NFKB2: variants seen among roughly 807,000 people sequenced by gnomAD.
The protein encoded by NFKB2 is nuclear factor kappa B subunit 2.
In NFKB2, 21 loss-of-function variants were observed where a neutral mutation model predicts 109.3. The observed-to-expected ratio is 0.19, with a 90% CI of 0.14 to 0.28. NFKB2 has a LOEUF of 0.28. Among genes scored for constraint, NFKB2 ranks in the 10% least tolerant of loss-of-function variants. NFKB2 has a pLI of 1.00. For missense variants in NFKB2, 806 were observed against 1,185.3 expected (o/e 0.68, Z 4.70); for synonymous variants, 478 against 489.9 (o/e 0.98, Z 0.32).
Position 102,397,035 on chromosome 10 carries a change from G to A in NFKB2, c.375G>A (p.Gly125=), listed in dbSNP as rs770207581. ...SELGICAVSV[G]PKDMTAQFNN... Reference sequence around the variant, plus strand: ...TGGGGATCTGCGCCGTTTCTGTGGGGCCCAAGGACATGACTGCCCAGTAGG... The same window carrying A: ...TGGGGATCTGCGCCGTTTCTGTGGGACCCAAGGACATGACTGCCCAGTAGG... The change falls in exon 6 of 23, where the codon GGG becomes GGA. Residue 125 remains glycine (G), a synonymous_variant. Coordinates refer to ENST00000661543, the MANE Select transcript of NFKB2 (RefSeq NM_001322934.2). This position sits in a 1 kb window ranked among gnomAD's most constrained non-coding sequence, Gnocchi z 4.7. 6.2e-7 allele frequency: 1 copy of A among 1,612,972 alleles called. No individual in the cohort carries two copies. Among genetic ancestry groups the A allele is most frequent in the South Asian group, 1.1e-5 (1 of 91,080 alleles).
chr10:102,396,217 G>A lies in NFKB2; in HGVS notation c.22-36G>A, dbSNP rs1050598241. The A allele has an allele frequency of 1.9e-6, 3 of 1,585,444 alleles. No homozygotes were observed. The highest frequency in any genetic ancestry group is 2.6e-6 in the Non-Finnish European group (3 of 1,157,958). On this transcript the variant is annotated intron_variant, in intron 2 of 22. Coordinates refer to ENST00000661543, the MANE Select transcript of NFKB2 (RefSeq NM_001322934.2). This position sits in a 1 kb window ranked among gnomAD's most constrained non-coding sequence, Gnocchi z 5.9. ...GAGGTGGGGCTGTGGGGGGTGCTGA[G>A]AGTCGGATGCCACCCCCAGTCTGTC... is the stretch of plus-strand genomic sequence containing the variant.
Position 102,395,791 on chromosome 10 carries a change from G to C in NFKB2, c.-78G>C. 3.0e-6 allele frequency: 2 copies of C among 669,472 alleles called. No homozygotes were observed. Among genetic ancestry groups the C allele is most frequent in the Non-Finnish European group, 2.6e-6 (1 of 389,494 alleles). The allele number at this position is 669,472 out of a possible 1,614,324, so 41.5% of individuals were successfully genotyped here. A position where few individuals can be genotyped will look rare whatever the true frequency, so the allele number is the denominator to read the frequency against. ...CCCGCCACACCCGGACAGGCGGCTG[G>C]AGGAGGTCGGACCCTCCCCCAAATC... On this transcript the variant is annotated 5_prime_UTR_variant, in exon 1 of 23. Transcript: ENST00000661543.
rs1565206474 is a variant in NFKB2, at chr10:102,397,948, A to G, written c.662-33A>G. The stretch of plus-strand genomic sequence containing the variant: ...TCTTAAATGTGGCCTTGGCTATTGC[A>G]TCATCTCAACTAATCCATATCCCAC... On this transcript the variant is annotated intron_variant, in intron 8 of 22. Transcript: ENST00000661543. The surrounding 1 kb of genome is among the most constrained non-coding windows in gnomAD (Gnocchi z 4.7). The G allele has an allele frequency of 2.5e-6, 4 of 1,605,346 alleles. No individual in the cohort carries two copies. The highest frequency in any genetic ancestry group is 1.3e-5 in the African/African-American group (1 of 74,836).
Position 102,402,405 on chromosome 10 carries a change from G to A in NFKB2, c.*29G>A, listed in dbSNP as rs774837580. ...GCTGCCTGCCCCCAGCCCCCTTCCC[G>A]GACCCCCTGTACAGCGTCCCCACCT... On this transcript the variant is annotated 3_prime_UTR_variant, in exon 23 of 23. Coordinates refer to ENST00000661543, the MANE Select transcript of NFKB2 (RefSeq NM_001322934.2). The A allele has an allele frequency of 4.4e-5, 55 of 1,246,870 alleles. No homozygotes were observed. Among genetic ancestry groups the A allele is most frequent in the South Asian group, 7.2e-5 (5 of 69,548 alleles). The allele number at this position is 1,246,870 out of a possible 1,614,324, so 77.2% of individuals were successfully genotyped here.
upstream of NFKB2, among the ~76,000 whole-genome samples, chr10:102,395,096 T>C (rs2061077186): frequency 8.0e-5 from 1 of 12,496 alleles, no homozygotes. Flanking sequence ...CACTCTTGTA[T>C]TAGGTGGGGG....
chr10:102,396,310 C>T lies in NFKB2; in HGVS notation c.79C>T (p.Pro27Ser), dbSNP rs902187555. Residue 27 changes from proline to serine, a missense_variant, in exon 3 of 23, where the codon CCC (proline) becomes TCC (serine). By Grantham distance (74) the Pro-to-Ser change is moderately conservative. This residue lies in a region of NFKB2 where 39 missense variants were observed against 35.6 expected (regional missense o/e 1.09). Transcript: ENST00000661543. The surrounding 1 kb of genome is among the most constrained non-coding windows in gnomAD (Gnocchi z 5.9). ...DFKLNSSIVE[P>S]KEPAPETADG... Reference sequence around the variant, plus strand: ...CAAATTGAACTCCTCCATTGTGGAACCCAAGGAGCCAGCCCCAGAAACAGG... The same window carrying T: ...CAAATTGAACTCCTCCATTGTGGAATCCAAGGAGCCAGCCCCAGAAACAGG... 1.9e-6 allele frequency: 3 copies of T among 1,613,340 alleles called. No individual in the cohort carries two copies. Among genetic ancestry groups the T allele is most frequent in the African/African-American group, 1.3e-5 (1 of 74,872 alleles).
chr10:102,401,156 C>T lies in NFKB2; in HGVS notation c.2072-24C>T, dbSNP rs1209226384. The T allele has an allele frequency of 6.3e-7, 1 of 1,592,246 alleles. No homozygotes were observed. Among genetic ancestry groups the T allele is most frequent in the African/African-American group, 1.3e-5 (1 of 74,458 alleles). ...TTAATGTAGGCCCCCACCATACCGC[C>T]CCATGACGGCCTCCCTCTCCCAGGT... is the stretch of plus-strand genomic sequence containing the variant. On this transcript the variant is annotated intron_variant, in intron 18 of 22. Transcript: ENST00000661543. The surrounding 1 kb of genome is among the most constrained non-coding windows in gnomAD (Gnocchi z 4.2).
Position 102,395,717 on chromosome 10 carries a change from C to T in NFKB2, c.-152C>T, listed in dbSNP as rs927251002. On this transcript the variant is annotated 5_prime_UTR_variant, in exon 1 of 23. Coordinates refer to ENST00000661543, the MANE Select transcript of NFKB2 (RefSeq NM_001322934.2). ...CCTAAGCTGCTCTAACTTTCCTGCC[C>T]CTTCCCCGGCCAAGCCCAACTCCGG... 5.0e-6 allele frequency: 3 copies of T among 595,942 alleles called. No homozygotes were observed. Among genetic ancestry groups the T allele is most frequent in the Non-Finnish European group, 9.0e-6 (3 of 333,094 alleles). The allele number at this position is 595,942 out of a possible 1,614,324, so 36.9% of individuals were successfully genotyped here. A position where few individuals can be genotyped will look rare whatever the true frequency, so the allele number is the denominator to read the frequency against.
chr10:102,401,413 G>A lies in NFKB2; in HGVS notation c.2224-36G>A, dbSNP rs200214060. The A allele has an allele frequency of 1.1e-4, 182 of 1,613,694 alleles. 1 individual carries two copies. Among genetic ancestry groups the A allele is most frequent in the Admixed American group, 1.5e-4 (9 of 59,988 alleles). ...CTTAAAGACACAGGCTTAAGGACGAGGTGGGAGGTAGTCAGAACTGCGGCT... is the reference window on the plus strand; with the variant it reads ...CTTAAAGACACAGGCTTAAGGACGAAGTGGGAGGTAGTCAGAACTGCGGCT... On this transcript the variant is annotated intron_variant, in intron 19 of 22. Coordinates refer to ENST00000661543, the MANE Select transcript of NFKB2 (RefSeq NM_001322934.2). This position sits in a 1 kb window ranked among gnomAD's most constrained non-coding sequence, Gnocchi z 4.2.
intron 14 of NFKB2, 25 bp downstream of exon 14, chr10:102,399,743 C>T: frequency 6.9e-7 from 1 of 1,445,332 alleles, no homozygotes; most frequent in African/African-American, 1.4e-5. Flanking sequence ...GCCTGGCGGA[C>T]GAGGCGCGGG....
Position 102,396,073 on chromosome 10 carries a change from T to C in NFKB2, c.21+93T>C. 6.5e-7 allele frequency: 1 copy of C among 1,530,896 alleles called. No homozygotes were observed. Among genetic ancestry groups the C allele is most frequent in the South Asian group, 1.1e-5 (1 of 89,526 alleles). The allele number at this position is 1,530,896 out of a possible 1,614,324, so 94.8% of individuals were successfully genotyped here. A position where few individuals can be genotyped will look rare whatever the true frequency, so the allele number is the denominator to read the frequency against. ...CCCCCTCTGCTGCCTTACACCTGTA[T>C]GCTCGCAGATGCTCTCAGCCTGCCA... On this transcript the variant is annotated intron_variant, in intron 2 of 22. Transcript: ENST00000661543. This position sits in a 1 kb window ranked among gnomAD's most constrained non-coding sequence, Gnocchi z 5.9.
chr10:102,397,876 C>T lies in NFKB2; in HGVS notation c.662-105C>T. 3 of 1,317,764 alleles carry T rather than the reference C, an allele frequency of 2.3e-6. No homozygotes were observed. Among genetic ancestry groups the T allele is most frequent in the Admixed American group, 3.7e-5 (2 of 53,722 alleles). The allele number at this position is 1,317,764 out of a possible 1,614,324, so 81.6% of individuals were successfully genotyped here. On this transcript the variant is annotated intron_variant, in intron 8 of 22. Coordinates refer to ENST00000661543, the MANE Select transcript of NFKB2 (RefSeq NM_001322934.2). The surrounding 1 kb of genome is among the most constrained non-coding windows in gnomAD (Gnocchi z 4.7). ...AGTAAATGTGTATATTGGGTGTTTC[C>T]TGCAGCTCCAGGGGTTGCTGAGATA...
Position 102,397,556 on chromosome 10 carries a change from G to A in NFKB2, c.532G>A (p.Ala178Thr). The change falls in exon 8 of 23, where the codon GCC becomes ACC. Residue 178 changes from alanine to threonine, a missense_variant. This residue lies in a region of NFKB2 where 62 missense variants were observed against 102.2 expected (regional missense o/e 0.61). Coordinates refer to ENST00000661543, the MANE Select transcript of NFKB2 (RefSeq NM_001322934.2). This position sits in a 1 kb window ranked among gnomAD's most constrained non-coding sequence, Gnocchi z 4.7. ...CGAGCAGCGGGAGCTGGAGCAAGAG[G>A]CCAAAGAACTGAAGAAGGTGATGGA... is the stretch of plus-strand genomic sequence containing the variant. ...EAEQRELEQE[A>T]KELKKVMDLS... 6.2e-7 allele frequency: 1 copy of A among 1,613,742 alleles called. No individual in the cohort carries two copies. Among genetic ancestry groups the A allele is most frequent in the Non-Finnish European group, 8.5e-7 (1 of 1,179,706 alleles).
chr10:102,396,745 T>C lies in NFKB2; in HGVS notation c.165T>C (p.Tyr55=), dbSNP rs755103820. Residue 55 remains tyrosine (Y), a synonymous_variant, in exon 5 of 23, where the codon TAT becomes TAC. Transcript: ENST00000661543. The surrounding 1 kb of genome is among the most constrained non-coding windows in gnomAD (Gnocchi z 5.9). ...TTCAGAGAGGCTTCCGATTTCGATA[T>C]GGCTGTGAAGGCCCCTCCCATGGAG... ...QPKQRGFRFR[Y]GCEGPSHGGL... is the part of the protein sequence containing the mutation. 28 of 1,612,950 alleles carry C rather than the reference T, an allele frequency of 1.7e-5. No homozygotes were observed. The highest frequency in any genetic ancestry group is 8.9e-5 in the East Asian group (4 of 44,816).
chr10:102,399,665 G>A lies in NFKB2; in HGVS notation c.1416G>A (p.Ala472=), dbSNP rs770914061. The A allele has an allele frequency of 1.0e-5, 16 of 1,528,772 alleles. No homozygotes were observed. Among genetic ancestry groups the A allele is most frequent in the Non-Finnish European group, 1.2e-5 (14 of 1,136,342 alleles). 94.7% of individuals were successfully genotyped at this position (1,528,772 alleles called of 1,614,324 possible). A position where few individuals can be genotyped will look rare whatever the true frequency, so the allele number is the denominator to read the frequency against. ...ACGGCGTCACCGCGGACGCGCGCGC[G>A]CTGCTGGCGGGACAGCGCCACCTGC... ...LDYGVTADAR[A]LLAGQRHLLT... The change falls in exon 14 of 23, where the codon GCG becomes GCA. Residue 472 remains alanine (A), a synonymous_variant. Coordinates refer to ENST00000661543, the MANE Select transcript of NFKB2 (RefSeq NM_001322934.2).
chr10:102,398,813 A>G lies in NFKB2; in HGVS notation c.1066A>G (p.Met356Val). Residue 356 changes from methionine (M) to valine (V), a missense_variant, in exon 12 of 23, where the codon ATG (methionine) becomes GTG (valine). Met to Val is a conservative substitution (Grantham distance 21, BLOSUM62 1). Coordinates refer to ENST00000661543, the MANE Select transcript of NFKB2 (RefSeq NM_001322934.2). The surrounding 1 kb of genome is among the most constrained non-coding windows in gnomAD (Gnocchi z 6.6). ...FSQPFGGGSH[M>V]GGGSGGAAGG... ...CCAGCCCTTCGGGGGTGGCTCCCACATGGGTGGAGGCTCTGGGGGTGCAGC... is the reference window on the plus strand; with the variant it reads ...CCAGCCCTTCGGGGGTGGCTCCCACGTGGGTGGAGGCTCTGGGGGTGCAGC... 2 of 1,610,308 alleles carry G rather than the reference A, an allele frequency of 1.2e-6. No homozygotes were observed. Among genetic ancestry groups the G allele is most frequent in the Non-Finnish European group, 1.7e-6 (2 of 1,178,376 alleles).
Position 102,400,239 on chromosome 10 carries a change from G to A in NFKB2, c.1585-39G>A, listed in dbSNP as rs945689631. The A allele has an allele frequency of 7.4e-6, 12 of 1,613,910 alleles. No homozygotes were observed. The highest frequency in any genetic ancestry group is 1.0e-5 in the Non-Finnish European group (12 of 1,180,000). ...GGAGGTGGGAGGGGTTGGAAGGCAA[G>A]TGGGTCTCGGGCCTGGCTCACCCTG... On this transcript the variant is annotated intron_variant, in intron 15 of 22. Transcript: ENST00000661543. The surrounding 1 kb of genome is among the most constrained non-coding windows in gnomAD (Gnocchi z 6.3).
rs755308165 is a variant in NFKB2 at position 102,399,418 on chromosome 10, C to T, written c.1248C>T (p.Ser416=). 3 of 1,527,384 alleles carry T rather than the reference C, an allele frequency of 2.0e-6. No individual in the cohort carries two copies. The highest frequency in any genetic ancestry group is 2.6e-6 in the Non-Finnish European group (3 of 1,135,304). The allele number at this position is 1,527,384 out of a possible 1,614,324, so 94.6% of individuals were successfully genotyped here. The change falls in exon 13 of 23, where the codon TCC becomes TCT. Residue 416 remains serine, a synonymous_variant. Transcript: ENST00000661543. ...QMAATVPSRD[S]GEEAAEPSAP... is the part of the protein sequence containing the mutation. ...CCGCCACGGTGCCCAGCAGGGACTC[C>T]GGGGAGGAAGCCGCGGAGCCAAGCG...
chr10:102,400,263 T>G lies in NFKB2; in HGVS notation c.1585-15T>G. 6.2e-7 allele frequency: 1 copy of G among 1,614,050 alleles called. No individual in the cohort carries two copies. Among genetic ancestry groups the G allele is most frequent in the South Asian group, 1.1e-5 (1 of 91,066 alleles). On this transcript the variant is annotated splice_polypyrimidine_tract_variant and intron_variant, in intron 15 of 22. Transcript: ENST00000661543. This position sits in a 1 kb window ranked among gnomAD's most constrained non-coding sequence, Gnocchi z 6.3. ...AGTGGGTCTCGGGCCTGGCTCACCC[T>G]GCTTTCATCCCCAGACGCCCCTGCA...
Sources: allele counts gnomAD v4.1 joint callset (sites outside exome capture counted in the v4.1 genomes callset), GRCh38; gene constraint gnomAD v4.1.1; regional missense constraint gnomAD v4.1.1; non-coding constraint Gnocchi (gnomAD v3.1); transcripts MANE v1.5; gene names NCBI Gene and HGNC (gene_info 2026-07-23, HGNC 2026-07-21).